The following TAFA1 variants were observed in gnomAD, a reference collection of about 807,000 sequenced individuals.
TAFA1 encodes TAFA chemokine like family member 1.
A neutral mutation model predicts 18.5 loss-of-function variants in TAFA1; 4 were observed. That is an observed-to-expected ratio of 0.22 (90% CI 0.11 to 0.49). TAFA1 has a LOEUF of 0.49. Ranked by LOEUF, TAFA1 falls within the 20% of genes least tolerant of loss-of-function variation. The probability of loss-of-function intolerance (pLI) is 0.98; values close to 1 mark genes in which losing one functional copy is unlikely to be tolerated. For missense variants in TAFA1, 147 were observed against 169.0 expected, an observed-to-expected ratio of 0.87 and a Z score of 0.72; for synonymous variants, 56 against 55.2, an observed-to-expected ratio of 1.01 and a Z score of -0.06.
chr3:68,423,165 A>T (rs2106814542), intron 3 of TAFA1, among the ~76,000 whole-genome samples: 2 of 152,220 alleles, frequency 1.3e-5, no homozygotes, highest in East Asian at 3.9e-4. Flanking sequence ...AAAATAATGG[A>T]ACATAATTAA....
chr3:68,006,633 A>G lies in TAFA1; in HGVS notation c.7A>G (p.Met3Val), dbSNP rs758026829. The G allele has an allele frequency of 2.5e-6, 4 of 1,612,218 alleles. No individual in the cohort carries two copies. Among genetic ancestry groups the G allele is most frequent in the Middle Eastern group, 1.7e-4 (1 of 6,058 alleles). ...CGAATGTTCTCTTTAGAGAATGGCA[A>G]TGGTCTCTGCGATGTCCTGGGTCCT... is the stretch of plus-strand genomic sequence containing the variant. Reference protein sequence around the residue: MAMVSAMSWVLYL... With the variant: MAVVSAMSWVLYL... Residue 3 changes from methionine (M) to valine (V), a missense_variant, in exon 2 of 5, where the codon ATG becomes GTG. Transcript: ENST00000478136.
At chr3:68,177,361 G>A (rs1341945109) in intron 2 of TAFA1, among the ~76,000 whole-genome samples, 1 of 152,090 alleles carries the variant, frequency 6.6e-6, no homozygotes, top group Admixed American at 6.6e-5. Context: ...CTTAGATGTA[G>A]CTACAGAGCT....
intron 2 of TAFA1, among the ~76,000 whole-genome samples, chr3:68,123,435 T>G (rs1441077482): frequency 6.6e-6 from 1 of 152,074 alleles, no homozygotes; most frequent in African/African-American, 2.4e-5. Context: ...CTTGCGCAAC[T>G]TTGCCCCAAT....
At chr3:68,328,558 A>G (rs1176269896) in intron 2 of TAFA1, among the ~76,000 whole-genome samples, 1 of 152,198 alleles carries the variant, frequency 6.6e-6, no homozygotes, top group African/African-American at 2.4e-5. Context: ...ACCTTGGTGG[A>G]TTATCACAAT....
chr3:68,370,642 C>T (rs2069687187), intron 2 of TAFA1, among the ~76,000 whole-genome samples: 1 of 148,354 alleles, frequency 6.7e-6, no homozygotes, highest in South Asian at 2.1e-4. Context: ...AGTTCCTTTT[C>T]TAAGTGTGTG....
intron 2 of TAFA1, among the ~76,000 whole-genome samples, chr3:68,115,036 T>C (rs1338023985): frequency 1.3e-5 from 2 of 151,966 alleles, no homozygotes; most frequent in East Asian, 1.9e-4. Flanking sequence ...AGAAGACAAA[T>C]GTATGAAGAA....
chr3:68,414,364 G>A (rs1390546277), intron 2 of TAFA1, among the ~76,000 whole-genome samples: 1 of 152,192 alleles, frequency 6.6e-6, no homozygotes, highest in African/African-American at 2.4e-5. Context: ...GGGAGGAGGG[G>A]CGGCTCGGAT....
intron 2 of TAFA1, among the ~76,000 whole-genome samples, chr3:68,389,791 C>G (rs2070187271): frequency 6.6e-6 from 1 of 152,092 alleles, no homozygotes; most frequent in Non-Finnish European, 1.5e-5. Flanking sequence ...CCGAGGGAAG[C>G]AATGAGGGAC....
chr3:68,301,360 T>C (rs2106644077), intron 2 of TAFA1, among the ~76,000 whole-genome samples: 1 of 152,308 alleles, frequency 6.6e-6, no homozygotes, highest in East Asian at 1.9e-4. Flanking sequence ...AAAATGAGCT[T>C]CCTAATTCTT....
At chr3:68,101,043 T>C (rs536157372) in intron 2 of TAFA1, among the ~76,000 whole-genome samples, 1 of 152,268 alleles carries the variant, frequency 6.6e-6, no homozygotes, top group Admixed American at 6.5e-5. Flanking sequence ...AGAGTACACG[T>C]GCAGGTTTGT....
intron 3 of TAFA1, among the ~76,000 whole-genome samples, chr3:68,469,773 T>C (rs2071960650): frequency 6.6e-6 from 1 of 152,218 alleles, no homozygotes; most frequent in East Asian, 1.9e-4. Context: ...AGATAACTTG[T>C]ATTCAAATTC....
chr3:68,032,445 G>A (rs1412713091), intron 2 of TAFA1, among the ~76,000 whole-genome samples: 2 of 152,042 alleles, frequency 1.3e-5, no homozygotes, highest in East Asian at 3.9e-4. Context: ...ATATCCAAAA[G>A]AAACACCACT....
chr3:68,465,055 C>A (rs553228244), intron 3 of TAFA1, among the ~76,000 whole-genome samples: 1 of 152,070 alleles, frequency 6.6e-6, no homozygotes, highest in Non-Finnish European at 1.5e-5. Context: ...CAATCCCCTT[C>A]GCTAGTGATT....
chr3:68,536,470 C>T (rs765094700), intron 3 of TAFA1, among the ~76,000 whole-genome samples: 25 of 152,176 alleles, frequency 1.6e-4, no homozygotes, highest in East Asian at 1.5e-3. Context: ...GAGTAAAGAA[C>T]GAGGGTTCTC....
At chr3:68,293,537 A>C (rs985886518) in intron 2 of TAFA1, among the ~76,000 whole-genome samples, 1 of 152,230 alleles carries the variant, frequency 6.6e-6, no homozygotes, top group African/African-American at 2.4e-5. Context: ...TTCTAGATAT[A>C]TGATCATAGG....
At chr3:68,505,088 G>C (rs570238112) in intron 3 of TAFA1, among the ~76,000 whole-genome samples, 1 of 152,242 alleles carries the variant, frequency 6.6e-6, no homozygotes, top group South Asian at 2.1e-4. Flanking sequence ...TACCTCCTGA[G>C]TATGTAAAAC....
chr3:68,386,473 T>A (rs1476610684), intron 2 of TAFA1, among the ~76,000 whole-genome samples: 2 of 152,152 alleles, frequency 1.3e-5, no homozygotes, highest in African/African-American at 4.8e-5. Context: ...AAGTCCACAT[T>A]TGGGTCAATC....
intron 2 of TAFA1, among the ~76,000 whole-genome samples, chr3:68,363,303 T>C (rs2069504223): frequency 6.6e-6 from 1 of 152,170 alleles, no homozygotes; most frequent in Admixed American, 6.5e-5. Context: ...GAAGTGACTT[T>C]GAGGCAGAGA....
rs866287726 is a variant in TAFA1 at position 68,538,697 on chromosome 3, G to A, written c.260-59G>A. Reference sequence around the variant, plus strand: ...GTGAAAATCTGCAGAGGGACACAACGTCAGTGTTCAGGTTGTTTGGATGAA... The same window carrying A: ...GTGAAAATCTGCAGAGGGACACAACATCAGTGTTCAGGTTGTTTGGATGAA... On this transcript the variant is annotated intron_variant, in intron 3 of 4. Transcript: ENST00000478136. 2.0e-5 allele frequency: 31 copies of A among 1,580,674 alleles called. 3 individuals carry two copies. The Middle Eastern group carries it at 4.0e-3, about 206-fold the overall frequency.
Sources: allele counts gnomAD v4.1 joint callset (sites outside exome capture counted in the v4.1 genomes callset), GRCh38; gene constraint gnomAD v4.1.1; transcripts MANE v1.5; gene names NCBI Gene and HGNC (gene_info 2026-07-23, HGNC 2026-07-21).